The following GTPBP6 variants were observed in gnomAD, a reference collection of about 807,000 sequenced individuals.
GTPBP6 encodes the protein GTP binding protein 6, also known as putative GTP-binding protein 6.
GTPBP6 carries 33 observed loss-of-function variants against 28.9 expected under a neutral mutation model. That is an observed-to-expected ratio of 1.14 (90% CI 0.87 to 1.53). GTPBP6 has a LOEUF of 1.53. GTPBP6 is among the 40% of genes most tolerant of loss of function. GTPBP6 has a pLI of 0.00. For missense variants in GTPBP6, 507 were observed against 408.3 expected (o/e 1.24, Z -2.08); for synonymous variants, 231 against 192.7 (o/e 1.20, Z -1.65).
At chrX:311,083 G>A (rs1156760365) in intron 7 of GTPBP6, among the ~76,000 whole-genome samples, 2 of 151,934 alleles carry the variant, frequency 1.3e-5, no homozygotes, top group African/African-American at 4.8e-5. Flanking sequence ...CCTGAGTGTC[G>A]GTGAGGCTGG....
At chrX:309,038 C>T (rs1248490288) in intron 7 of GTPBP6, among the ~76,000 whole-genome samples, 1 of 152,084 alleles carries the variant, frequency 6.6e-6, no homozygotes, top group African/African-American at 2.4e-5. Context: ...AATTTATTGT[C>T]GGGAGGAGTC....
intron 4 of GTPBP6, among the ~76,000 whole-genome samples, chrX:314,467 G>A (rs2070387254): frequency 6.6e-6 from 1 of 151,700 alleles, no homozygotes; most frequent in Admixed American, 6.6e-5. Context: ...CCCACACGGT[G>A]CTTTTCTTCT....
chrX:312,424 G>T, intron 6 of GTPBP6: 1 of 537,346 alleles, frequency 1.9e-6, no homozygotes, highest in Non-Finnish European at 3.6e-6. Flanking sequence ...TATAGATAGG[G>T]CAGTGGGGAT....
chrX:313,468 C>T (rs1175593500), intron 5 of GTPBP6, among the ~76,000 whole-genome samples: 2 of 151,546 alleles, frequency 1.3e-5, no homozygotes, highest in Non-Finnish European at 2.9e-5. Context: ...TGCCCTAGAG[C>T]CTCCAGAGGG....
rs746683327 is a variant in GTPBP6 at position 313,621 on chromosome X, G to A, written c.757+529C>T. Among the ~76,000 whole-genome samples the A allele has an allele frequency of 1.7e-3, 252 of 152,300 alleles. 2 individuals are homozygous for A. The highest frequency in any genetic ancestry group is 1.9e-3 in the Admixed American group (29 of 15,296). ...AAGTATCTAGAGATGCGACGATTCT[G>A]GATTAGGGCGGGCCATAAATGCAAT... On this transcript the variant is annotated intron_variant, in intron 5 of 9. Transcript: ENST00000326153.
chrX:315,437 CGGGATCCAGGAAGTCAGCGT>C, intron 2 of GTPBP6, 138 bp from the exon 3 acceptor site: 1 of 398,180 alleles, frequency 2.5e-6, no homozygotes, highest in Non-Finnish European at 4.4e-6. Context: ...GCACGAGACC[CGGGATCCAGGAAGTCAGCGT>C]GGGAGGGGGT....
intron 2 of GTPBP6, 91 bp from the exon 3 acceptor site, chrX:315,390 C>T (rs2070411050): frequency 5.0e-6 from 2 of 398,560 alleles, no homozygotes; most frequent in Non-Finnish European, 8.8e-6. Flanking sequence ...GGATGCACCG[C>T]GGAGAGCTCA....
In GTPBP6 at chrX:307,887, G is replaced by T. The variant is rs1569347463; in HGVS notation, c.1126-7C>A. 1.3e-6 allele frequency: 2 copies of T among 1,512,014 alleles called. No homozygotes were observed. Among genetic ancestry groups the T allele is most frequent in the Non-Finnish European group, 1.8e-6 (2 of 1,132,292 alleles). 93.7% of individuals were successfully genotyped at this position (1,512,014 alleles called of 1,614,324 possible). A position where few individuals can be genotyped will look rare whatever the true frequency, so the allele number is the denominator to read the frequency against. On this transcript the variant is annotated splice_region_variant and splice_polypyrimidine_tract_variant and intron_variant, in intron 7 of 9. Coordinates refer to ENST00000326153, the Ensembl canonical transcript of GTPBP6. ...TCACGTGCAAGATGAGATCCTGTGGGCCGGGCCGTGGGGTCAGAGCTGCGG... is the reference window on the plus strand; with the variant it reads ...TCACGTGCAAGATGAGATCCTGTGGTCCGGGCCGTGGGGTCAGAGCTGCGG...
chrX:314,420 G>C (rs1349030276), intron 4 of GTPBP6, among the ~76,000 whole-genome samples: 2 of 152,188 alleles, frequency 1.3e-5, no homozygotes, highest in Admixed American at 1.3e-4. Context: ...GGGGAGCCGG[G>C]GGCAGGCAGT....
In GTPBP6 at chrX:312,114, G is replaced by A. The variant is rs185320325; in HGVS notation, c.917-487C>T. The A allele has an allele frequency of 3.3e-3, 1,516 of 452,958 alleles. 17 individuals carry two copies. The highest frequency in any genetic ancestry group is 4.7e-3 in the Non-Finnish European group (1,069 of 229,736). The allele number at this position is 452,958 out of a possible 1,614,324, so 28.1% of individuals were successfully genotyped here. A position where few individuals can be genotyped will look rare whatever the true frequency, so the allele number is the denominator to read the frequency against. ...AGACAGATGGGTGGATTGTATAGAC[G>A]GGTGGTGGTATAGATGGGGCAGTGG... On this transcript the variant is annotated intron_variant, in intron 6 of 9. Coordinates refer to ENST00000326153, the Ensembl canonical transcript of GTPBP6.
At chrX:314,904 C>G in exon 4 of GTPBP6, 1 of 398,848 alleles carries the variant, frequency 2.5e-6, no homozygotes, top group Admixed American at 4.4e-5. Flanking sequence ...GCAGCGGCAT[C>G]TCCGCCAGGG....
chrX:311,572 G>T lies in GTPBP6; in HGVS notation c.972C>A (p.Asp324Glu), dbSNP rs942244776. The T allele has an allele frequency of 1.9e-6, 3 of 1,612,306 alleles. No individual in the cohort carries two copies. The African/African-American group carries it at 4.0e-5, about 22-fold the overall frequency. ...TGACGTCCAGCGTGGCAAACAGCTG[G>T]TCCCGTGGCTGGATGGCGGCATCGC... The change falls in exon 7 of 10, where the codon GAC becomes GAA. Residue 324 changes from aspartate (D) to glutamate (E), a missense_variant. Physicochemically the swap from Asp to Glu is conservative, Grantham distance 45. Coordinates refer to ENST00000326153, the Ensembl canonical transcript of GTPBP6.
chrX:308,707 A>G (rs1569348024), intron 7 of GTPBP6, among the ~76,000 whole-genome samples: 1 of 151,394 alleles, frequency 6.6e-6, no homozygotes, highest in African/African-American at 2.4e-5. Flanking sequence ...AACAAAAAAA[A>G]TAATTTCATC....
chrX:305,903 T>C (rs1036627715), intron 9 of GTPBP6, among the ~76,000 whole-genome samples: 1 of 151,990 alleles, frequency 6.6e-6, no homozygotes, highest in Non-Finnish European at 1.5e-5. Flanking sequence ...GGATTACAGG[T>C]GTGAGCCACC....
chrX:315,061 C>A, intron 3 of GTPBP6, 41 bp from the exon 4 acceptor site: 2 of 398,754 alleles, frequency 5.0e-6, no homozygotes, highest in Non-Finnish European at 8.8e-6. Context: ...CGGGGGAAGG[C>A]CGGGCCCTGG....
In GTPBP6 at chrX:312,289, C is replaced by T. The variant is rs762935700; in HGVS notation, c.916+477G>A. 9.4e-5 allele frequency: 41 copies of T among 437,090 alleles called. 8 individuals are homozygous for T. Among genetic ancestry groups the T allele is most frequent in the Admixed American group, 3.9e-4 (16 of 40,826 alleles). 27.1% of individuals were successfully genotyped at this position (437,090 alleles called of 1,614,324 possible). On this transcript the variant is annotated intron_variant, in intron 6 of 9. Transcript: ENST00000326153. Reference sequence around the variant, plus strand: ...GACAAAGGGAACATTGTGGTGTACACGGGTGGATTATGTAGACGGGGTGGT... The same window carrying T: ...GACAAAGGGAACATTGTGGTGTACATGGGTGGATTATGTAGACGGGGTGGT...
chrX:313,209 C>T (rs1167947692), intron 5 of GTPBP6, among the ~76,000 whole-genome samples: 8 of 152,236 alleles, frequency 5.3e-5, no homozygotes, highest in African/African-American at 9.6e-5. Flanking sequence ...GGCCTCCGAG[C>T]GGGACACGGC....
At chrX:307,634 C>T in intron 8 of GTPBP6, 98 bp downstream of exon 8, 2 of 1,422,978 alleles carry the variant, frequency 1.4e-6, no homozygotes, top group Non-Finnish European at 1.9e-6. Flanking sequence ...TCCTGACTGC[C>T]ACCGCTGCGG....
At chrX:304,991 C>A in exon 10 of GTPBP6, 1 of 1,560,242 alleles carries the variant, frequency 6.4e-7, no homozygotes, top group Non-Finnish European at 8.7e-7. Context: ...GCACCTGACA[C>A]CAAGCTGCCC....
Sources: gnomAD v4.1 joint callset for allele counts (sites outside exome capture counted in the v4.1 genomes callset) on GRCh38, gnomAD v4.1.1 for gene constraint, MANE v1.5 for transcripts, NCBI Gene and HGNC (gene_info 2026-07-23, HGNC 2026-07-21) for gene names.